STX8: variants seen among roughly 807,000 people sequenced by gnomAD.
The protein encoded by STX8 is syntaxin 8.
In STX8, 23 loss-of-function variants were observed where a neutral mutation model predicts 37.5. The observed-to-expected ratio is 0.61, with a 90% CI of 0.44 to 0.87. The LOEUF is 0.87. Ranked by LOEUF, STX8 falls within the 40% of genes least tolerant of loss-of-function variation. The pLI is 0.00. For missense variants in STX8, 313 were observed against 284.7 expected, an observed-to-expected ratio of 1.10 and a Z score of -0.71; for synonymous variants, 115 against 99.1, an observed-to-expected ratio of 1.16 and a Z score of -0.95.
At chr17:9,377,577 C>T (rs1468623554) in intron 7 of STX8, among the ~76,000 whole-genome samples, 2 of 152,212 alleles carry the variant, frequency 1.3e-5, no homozygotes, top group Non-Finnish European at 2.9e-5. Context: ...CCCTCTTCAG[C>T]CTCCCAAGTA....
intron 4 of STX8, among the ~76,000 whole-genome samples, chr17:9,521,029 T>C (rs2142524450): frequency 6.6e-6 from 1 of 152,356 alleles, no homozygotes; most frequent in Admixed American, 6.5e-5. Context: ...ACTCCTATGA[T>C]ATAAAAGGGT....
intron 5 of STX8, among the ~76,000 whole-genome samples, chr17:9,498,168 T>A: frequency 6.6e-6 from 1 of 150,706 alleles, no homozygotes; most frequent in East Asian, 1.9e-4. Context: ...TGGGGGGGGA[T>A]CATCTGAGGT....
At chr17:9,273,902 A>G (rs1907560800) in intron 7 of STX8, among the ~76,000 whole-genome samples, 1 of 152,100 alleles carries the variant, frequency 6.6e-6, no homozygotes, top group African/African-American at 2.4e-5. Flanking sequence ...GTCTGCTCTC[A>G]GTGGTCCCTT....
At chr17:9,414,417 C>A (rs1913105685) in intron 6 of STX8, among the ~76,000 whole-genome samples, 2 of 152,008 alleles carry the variant, frequency 1.3e-5, no homozygotes, top group South Asian at 4.2e-4. Flanking sequence ...AGCCCATTAA[C>A]AGTATAACTG....
At chr17:9,418,669 T>C (rs1913292128) in intron 6 of STX8, among the ~76,000 whole-genome samples, 2 of 150,968 alleles carry the variant, frequency 1.3e-5, no homozygotes, top group South Asian at 4.2e-4. Context: ...CTACTAAAAA[T>C]ACAAAAAATT....
intron 2 of STX8, among the ~76,000 whole-genome samples, chr17:9,561,196 G>A (rs763975425): frequency 3.6e-4 from 54 of 151,862 alleles, no homozygotes; most frequent in African/African-American, 8.2e-4. Flanking sequence ...CCCCTCCCCC[G>A]TTAGAAAAGA....
intron 6 of STX8, among the ~76,000 whole-genome samples, chr17:9,473,238 C>T (rs201894874): frequency 6.6e-6 from 1 of 151,914 alleles, no homozygotes; most frequent in Non-Finnish European, 1.5e-5. Context: ...AGGCTGGTCT[C>T]GAACTCCTGA....
rs745863758 is a variant in STX8, at chr17:9,254,692, G to A, written c.644-4047C>T. Among the ~76,000 whole-genome samples the A allele has an allele frequency of 1.4e-3, 216 of 152,168 alleles. 1 individual carries two copies. The highest frequency in any genetic ancestry group is 4.8e-3 in the African/African-American group (199 of 41,514). On this transcript the variant is annotated intron_variant, in intron 7 of 7. Transcript: ENST00000306357. ...ATTACAGGCGTGAGCCACCGCGCCC[G>A]GCCTTGAATCATTATTTAGGTACTC...
chr17:9,276,390 G>T (rs1907676973), intron 7 of STX8, among the ~76,000 whole-genome samples: 1 of 152,034 alleles, frequency 6.6e-6, no homozygotes, highest in Non-Finnish European at 1.5e-5. Flanking sequence ...ATGTCCCAAA[G>T]AACAAAAGTT....
chr17:9,263,205 G>A (rs7226072), intron 7 of STX8, among the ~76,000 whole-genome samples: 4 of 151,702 alleles, frequency 2.6e-5, no homozygotes, highest in Non-Finnish European at 5.9e-5. Flanking sequence ...GGGTGCGTGC[G>A]GTGGCTCACA....
Position 9,463,502 on chromosome 17 carries a change from G to A in STX8, c.541+28327C>T, listed in dbSNP as rs547052390. 4.6e-5 allele frequency among the ~76,000 whole-genome samples: 7 copies of A among 152,202 alleles called. No homozygotes were observed. In the East Asian group the frequency reaches 1.4e-3, roughly 29 times the overall value. On this transcript the variant is annotated intron_variant, in intron 6 of 7. Coordinates refer to ENST00000306357, the MANE Select transcript of STX8 (RefSeq NM_004853.3). ...AGTCAAATATTTACAGGCTGGGTGC[G>A]GTGGCTCACGCCTGCACTTTGGGAG...
chr17:9,291,323 G>C (rs554283216), intron 7 of STX8, among the ~76,000 whole-genome samples: 71 of 151,680 alleles, frequency 4.7e-4, no homozygotes, highest in African/African-American at 1.6e-3. Flanking sequence ...GTGGGTACCT[G>C]TAGTCCCAGC....
intron 4 of STX8, among the ~76,000 whole-genome samples, chr17:9,513,313 CAAAA>C (rs35228175): frequency 5.1e-5 from 4 of 78,034 alleles, no homozygotes; most frequent in Admixed American, 1.5e-4. Context: ...ACTCTATTTC[CAAAA>C]AAAAAAAAAA....
intron 4 of STX8, among the ~76,000 whole-genome samples, chr17:9,513,093 T>C (rs1905066879): frequency 6.6e-6 from 1 of 151,882 alleles, no homozygotes; most frequent in South Asian, 2.1e-4. Flanking sequence ...GAAAAGACAA[T>C]CTATAGGAGA....
chr17:9,486,306 G>A (rs1906595576), intron 6 of STX8, among the ~76,000 whole-genome samples: 2 of 152,148 alleles, frequency 1.3e-5, no homozygotes, highest in Admixed American at 1.3e-4. Context: ...CTTCCAGAAA[G>A]CAAGGAATTG....
chr17:9,427,930 A>C (rs935128684), intron 6 of STX8, among the ~76,000 whole-genome samples: 45 of 152,302 alleles, frequency 3.0e-4, no homozygotes, highest in African/African-American at 1.0e-3. Context: ...CCTCTGGCCA[A>C]AGAAAAACTG....
At chr17:9,524,430 G>A (rs895419937) in intron 4 of STX8, among the ~76,000 whole-genome samples, 1 of 152,102 alleles carries the variant, frequency 6.6e-6, no homozygotes, top group African/African-American at 2.4e-5. Context: ...TGTCCAAAGG[G>A]GCAAGGAAGC....
At chr17:9,474,635 G>T (rs1422031476) in intron 6 of STX8, among the ~76,000 whole-genome samples, 1 of 152,220 alleles carries the variant, frequency 6.6e-6, no homozygotes, top group Non-Finnish European at 1.5e-5. Context: ...CCAGCCATTA[G>T]TCCTGGGGTA....
rs1555532617 is a variant in STX8, at chr17:9,506,420, C to CA, written c.324-1259dup. On this transcript the variant is annotated intron_variant, in intron 4 of 7. Transcript: ENST00000306357. ...GTGCTCACCCGCTCCCCCCCCCCCC[C>CA]ACCCACCTTTCTTAGGAAAGGACTA... is the stretch of plus-strand genomic sequence containing the variant. 1.2e-4 allele frequency among the ~76,000 whole-genome samples: 12 copies of CA among 104,118 alleles called. 1 individual carries two copies. The highest frequency in any genetic ancestry group is 4.7e-4 in the South Asian group (1 of 2,114). 68.3% of individuals were successfully genotyped at this position (104,118 alleles called of 152,430 possible).
Sources: allele counts gnomAD v4.1 joint callset (sites outside exome capture counted in the v4.1 genomes callset), GRCh38; gene constraint gnomAD v4.1.1; transcripts MANE v1.5; gene names NCBI Gene and HGNC (gene_info 2026-07-23, HGNC 2026-07-21).